COL5A1: variants seen among roughly 807,000 people sequenced by gnomAD.
COL5A1 encodes the protein collagen alpha-1(V) chain.
Under a neutral mutation model 263.7 loss-of-function variants are expected in COL5A1, and 16 were observed. That is an observed-to-expected ratio of 0.06 (90% CI 0.04 to 0.09). The LOEUF (loss-of-function observed/expected upper bound fraction) is 0.09. COL5A1 is among the 10% of genes least tolerant of loss of function. The pLI is 1.00. For missense variants in COL5A1, 2,036 were observed against 2,540.5 expected (o/e 0.80, Z 4.27); for synonymous variants, 1,012 against 1,004.5 (o/e 1.01, Z -0.14).
intron 42 of COL5A1, among the ~76,000 whole-genome samples, chr9:134,807,539 C>T (rs913214610): frequency 2.6e-5 from 4 of 152,188 alleles, no homozygotes; most frequent in South Asian, 2.1e-4. Flanking sequence ...GTGATCTACC[C>T]GCCTCAGCCT....
chr9:134,761,404 A>C (rs573612233), intron 18 of COL5A1, among the ~76,000 whole-genome samples: 38 of 152,304 alleles, frequency 2.5e-4, no homozygotes, highest in African/African-American at 8.7e-4. Context: ...GGCTGTTGCC[A>C]TTTATCCAAA....
chr9:134,731,423 G>T, intron 7 of COL5A1, 73 bp from the exon 8 acceptor site: 1 of 1,506,246 alleles, frequency 6.6e-7, no homozygotes, highest in South Asian at 1.2e-5. Flanking sequence ...CACAGTGCCC[G>T]CCCAGGGCCT....
rs1043332475 is a variant in COL5A1, at chr9:134,826,032, A to G, written c.5067+128A>G. ...AAGCCAGAAATGAATCCGTTTCATC[A>G]GTGAAACTGTTCTTTCAGAAGTAGA... On this transcript the variant is annotated intron_variant, in intron 63 of 65. Transcript: ENST00000371817. 1.0e-5 allele frequency: 6 copies of G among 600,114 alleles called. No individual in the cohort carries two copies. The African/African-American group carries it at 1.1e-4, about 11-fold the overall frequency. The allele number at this position is 600,114 out of a possible 1,614,324, so 37.2% of individuals were successfully genotyped here.
In COL5A1 at chr9:134,794,980, C is replaced by G; in HGVS notation, c.2701-102C>G. 2 of 1,348,878 alleles carry G rather than the reference C, an allele frequency of 1.5e-6. No homozygotes were observed. Among genetic ancestry groups the G allele is most frequent in the Non-Finnish European group, 2.1e-6 (2 of 946,334 alleles). The allele number at this position is 1,348,878 out of a possible 1,614,324, so 83.6% of individuals were successfully genotyped here. A position where few individuals can be genotyped will look rare whatever the true frequency, so the allele number is the denominator to read the frequency against. On this transcript the variant is annotated intron_variant, in intron 32 of 65. Transcript: ENST00000371817. This position sits in a 1 kb window ranked among gnomAD's most constrained non-coding sequence, Gnocchi z 4.3. ...CGGGGAGGCCCAGGTTCCTCCTATC[C>G]TGCTCTGAATTCACAGTCTCTCAAT...
chr9:134,664,148 A>T (rs1285669036), intron 1 of COL5A1, among the ~76,000 whole-genome samples: 1 of 152,242 alleles, frequency 6.6e-6, no homozygotes, highest in African/African-American at 2.4e-5. Flanking sequence ...GAACTGGGCT[A>T]GAGTGTTGCA....
chr9:134,772,727 G>A (rs371124018), intron 25 of COL5A1, 63 bp from the exon 26 acceptor site: 509 of 1,519,538 alleles, frequency 3.3e-4, no homozygotes, highest in Non-Finnish European at 4.4e-4. Context: ...GCAGGGAGGG[G>A]AAGCGAGGGA....
chr9:134,807,659 C>A (rs1588572761), intron 42 of COL5A1, among the ~76,000 whole-genome samples: 1 of 152,224 alleles, frequency 6.6e-6, no homozygotes, highest in Non-Finnish European at 1.5e-5. Flanking sequence ...AGCCTACATT[C>A]CCTGGGCAGG....
chr9:134,770,924 T>A (rs1459271261), intron 25 of COL5A1, among the ~76,000 whole-genome samples: 2 of 152,254 alleles, frequency 1.3e-5, no homozygotes, highest in African/African-American at 2.4e-5. Flanking sequence ...TTCCCCCCAC[T>A]GCTTTACTCT....
intron 48 of COL5A1, 94 bp downstream of exon 48, chr9:134,812,806 G>T: frequency 1.1e-6 from 1 of 902,696 alleles, no homozygotes. Flanking sequence ...ATGTGTATGT[G>T]CGCATGCACA....
chr9:134,819,141 C>T (rs372896284), intron 57 of COL5A1, 88 bp downstream of exon 57: 27 of 1,387,736 alleles, frequency 1.9e-5, no homozygotes, highest in African/African-American at 1.7e-4. Flanking sequence ...GCTCTTGATC[C>T]GTCACCTAAA....
chr9:134,685,462 A>G, intron 1 of COL5A1, among the ~76,000 whole-genome samples: 1 of 68,530 alleles, frequency 1.5e-5, no homozygotes, highest in Non-Finnish European at 2.7e-5. Context: ...CCATCCATCC[A>G]TCCATTCATC....
intron 6 of COL5A1, 38 bp from the exon 7 acceptor site, chr9:134,730,198 C>T (rs760613577): frequency 2.4e-5 from 38 of 1,609,760 alleles, no homozygotes; most frequent in Middle Eastern, 3.6e-4. Context: ...CTGCCGGCCT[C>T]CGCCCTGACT....
At chr9:134,760,707 CCA>C (rs1160256099) in intron 18 of COL5A1, among the ~76,000 whole-genome samples, 1 of 140,092 alleles carries the variant, frequency 7.1e-6, no homozygotes, top group Non-Finnish European at 1.5e-5. Context: ...ACACACACAC[CCA>C]CACACCCATA....
intron 18 of COL5A1, among the ~76,000 whole-genome samples, chr9:134,760,392 CCA>C (rs1378722096): frequency 1.2e-5 from 1 of 80,002 alleles, no homozygotes; most frequent in Non-Finnish European, 2.1e-5. Context: ...ATACACACCC[CCA>C]CACCCCCACA....
At chr9:134,756,927 A>C (rs1835997296) in intron 17 of COL5A1, 109 bp downstream of exon 17, 2 of 1,105,326 alleles carry the variant, frequency 1.8e-6, no homozygotes, top group African/African-American at 3.1e-5. Context: ...TTATGATGAC[A>C]GGTGGCTCCG....
In COL5A1 at chr9:134,716,082, G is replaced by A. The variant is rs1381683922; in HGVS notation, c.655-11184G>A. The stretch of plus-strand genomic sequence containing the variant: ...TGGTGGTGGTCATGATGCTAGCAGT[G>A]TGGTGGTTCTGTGGTTTTGGTGCTG... On this transcript the variant is annotated intron_variant, in intron 4 of 65. Coordinates refer to ENST00000371817, the MANE Select transcript of COL5A1 (RefSeq NM_000093.5). The surrounding 1 kb of genome is among the most constrained non-coding windows in gnomAD (Gnocchi z 4.5). Among the ~76,000 whole-genome samples the A allele has an allele frequency of 6.6e-6, 1 of 152,082 alleles. No homozygotes were observed. The highest frequency in any genetic ancestry group is 1.9e-4 in the East Asian group (1 of 5,196).
chr9:134,800,063 A>G (rs1296465239), intron 37 of COL5A1, among the ~76,000 whole-genome samples: 1 of 152,230 alleles, frequency 6.6e-6, no homozygotes, highest in Non-Finnish European at 1.5e-5. Flanking sequence ...CCTTCCAGAA[A>G]GAGCTTCTCT....
At chr9:134,816,427 T>A (rs1223899161) in intron 52 of COL5A1, among the ~76,000 whole-genome samples, 1 of 152,218 alleles carries the variant, frequency 6.6e-6, no homozygotes, top group Non-Finnish European at 1.5e-5. Context: ...GCCCAGAACG[T>A]CTTTCTGGGA....
At chr9:134,761,138 TGCATACACGCCAC>T in intron 18 of COL5A1, among the ~76,000 whole-genome samples, 1 of 134,536 alleles carries the variant, frequency 7.4e-6, no homozygotes, top group East Asian at 2.3e-4. Flanking sequence ...TACCCCCACA[TGCATACACGCCAC>T]GCACACGCAT....
Sources: gnomAD v4.1 joint callset for allele counts (sites outside exome capture counted in the v4.1 genomes callset) on GRCh38, gnomAD v4.1.1 for gene constraint, Gnocchi (gnomAD v3.1) non-coding constraint, MANE v1.5 for transcripts, NCBI Gene and HGNC (gene_info 2026-07-23, HGNC 2026-07-21) for gene names.